The following WARS1 variants were observed in gnomAD, a reference collection of about 807,000 sequenced individuals.
The protein encoded by WARS1 is tryptophanyl-tRNA synthetase 1, also known as tryptophan--tRNA ligase, cytoplasmic.
A neutral mutation model predicts 47.8 loss-of-function variants in WARS1; 17 were observed. The observed-to-expected ratio is 0.36, with a 90% CI of 0.24 to 0.53. The LOEUF is 0.53. Ranked by LOEUF, WARS1 falls within the 20% of genes least tolerant of loss-of-function variation. The pLI is 0.91. For synonymous variants in WARS1, 208 were observed against 228.1 expected (o/e 0.91, Z 0.79); for missense variants, 434 against 608.0 (o/e 0.71, Z 3.01).
Position 100,337,047 on chromosome 14 carries a change from G to C in WARS1, c.1254+15C>G. ...GGCAGAAGGCGGCTGTGGGCCCTTG[G>C]GGTTCCCTGCTCACCTTCCTGATCT... On this transcript the variant is annotated intron_variant, in intron 10 of 10. Transcript: ENST00000392882. 1 of 1,608,622 alleles carries C rather than the reference G, an allele frequency of 6.2e-7. No homozygotes were observed. The highest frequency in any genetic ancestry group is 1.3e-5 in the African/African-American group (1 of 74,974).
chr14:100,342,305 C>A lies in WARS1; in HGVS notation c.1113+93G>T. 3 of 1,561,558 alleles carry A rather than the reference C, an allele frequency of 1.9e-6. No homozygotes were observed. The South Asian group carries it at 3.4e-5, about 18-fold the overall frequency. The stretch of plus-strand genomic sequence containing the variant: ...TGCTACGGTGGCTGGGTGGCTGAGG[C>A]CCAAAGCACTGCGCAGTGGTGTGTG... On this transcript the variant is annotated intron_variant, in intron 9 of 10. Coordinates refer to ENST00000392882, the MANE Select transcript of WARS1 (RefSeq NM_004184.4).
chr14:100,334,791 C>T lies in WARS1; in HGVS notation c.*84G>A, dbSNP rs182244544. ...GTAATTACCATGAGACAGAAGCCTA[C>T]AGGTGGCGGTGCTTTGACTGGGCTG... On this transcript the variant is annotated 3_prime_UTR_variant, in exon 11 of 11. Transcript: ENST00000392882. The T allele has an allele frequency of 3.3e-6, 5 of 1,520,702 alleles. No individual in the cohort carries two copies. In the Admixed American group the frequency reaches 7.1e-5, roughly 22 times the overall value. 94.2% of individuals were successfully genotyped at this position (1,520,702 alleles called of 1,614,324 possible).
In WARS1 at chr14:100,366,660, G is replaced by A. The variant is rs934464948; in HGVS notation, c.99+2427C>T. The A allele has an allele frequency of 7.5e-5, 58 of 772,784 alleles. No homozygotes were observed. The East Asian group carries it at 7.8e-4, about 10-fold the overall frequency. The allele number at this position is 772,784 out of a possible 1,614,324, so 47.9% of individuals were successfully genotyped here. Reference sequence around the variant, plus strand: ...GGACATGGACATGAGCATGGACATCGTAAAATGGAACTTCTAGATTACAGA... The same window carrying A: ...GGACATGGACATGAGCATGGACATCATAAAATGGAACTTCTAGATTACAGA... On this transcript the variant is annotated intron_variant, in intron 2 of 10. Coordinates refer to ENST00000392882, the MANE Select transcript of WARS1 (RefSeq NM_004184.4).
At chr14:100,352,524 A>C (rs1242990756) in intron 6 of WARS1, among the ~76,000 whole-genome samples, 2 of 152,194 alleles carry the variant, frequency 1.3e-5, no homozygotes, top group African/African-American at 2.4e-5. Flanking sequence ...TGTCCCTCTT[A>C]TCCTGCCTCG....
chr14:100,372,187 C>A (rs187635662), intron 1 of WARS1, among the ~76,000 whole-genome samples: 1 of 152,080 alleles, frequency 6.6e-6, no homozygotes, highest in South Asian at 2.1e-4. Context: ...GGACTCAGCC[C>A]GCCTGCAGCC....
intron 3 of WARS1, among the ~76,000 whole-genome samples, chr14:100,361,487 G>A (rs1440927555): frequency 6.6e-6 from 1 of 152,166 alleles, no homozygotes; most frequent in Non-Finnish European, 1.5e-5. Context: ...GTCTACTATA[G>A]ATCATTATTT....
chr14:100,355,316 G>T (rs1162097439), intron 4 of WARS1, among the ~76,000 whole-genome samples: 1 of 152,034 alleles, frequency 6.6e-6, no homozygotes, highest in Non-Finnish European at 1.5e-5. Context: ...TGCCTCCTGG[G>T]TTCAAGCGAT....
upstream of WARS1, chr14:100,376,301 G>C (rs1022048817): frequency 3.8e-6 from 4 of 1,041,792 alleles, no homozygotes; most frequent in Admixed American, 1.7e-4. Flanking sequence ...CTCAGCAACC[G>C]GCTGTCTCCT....
At chr14:100,358,296 C>T (rs1275576423) in intron 4 of WARS1, among the ~76,000 whole-genome samples, 1 of 152,110 alleles carries the variant, frequency 6.6e-6, no homozygotes, top group African/African-American at 2.4e-5. Flanking sequence ...CCACACCTGG[C>T]TAATTTTTTG....
At chr14:100,350,882 G>A (rs1418052250) in intron 6 of WARS1, among the ~76,000 whole-genome samples, 1 of 152,194 alleles carries the variant, frequency 6.6e-6, no homozygotes, top group East Asian at 1.9e-4. Context: ...AGGAAAAGGT[G>A]ATGCTTGATC....
chr14:100,356,399 G>A (rs928103898), intron 4 of WARS1, among the ~76,000 whole-genome samples: 1 of 69,880 alleles, frequency 1.4e-5, no homozygotes, highest in East Asian at 4.2e-4. Flanking sequence ...GTGTGTGTGT[G>A]GGGGGGGGTG....
At chr14:100,336,933 A>G in intron 10 of WARS1, 129 bp downstream of exon 10, 2 of 1,290,272 alleles carry the variant, frequency 1.6e-6, no homozygotes, top group Non-Finnish European at 1.1e-6. Flanking sequence ...GAGTCTACTC[A>G]GTTTTCACCT....
At chr14:100,352,045 C>T (rs968613612) in intron 6 of WARS1, among the ~76,000 whole-genome samples, 5 of 149,960 alleles carry the variant, frequency 3.3e-5, no homozygotes, top group Admixed American at 6.6e-5. Flanking sequence ...GATAGAAGGG[C>T]GAGATTTCCT....
At chr14:100,368,348 A>G in intron 2 of WARS1, 2 of 445,178 alleles carry the variant, frequency 4.5e-6, no homozygotes, top group Admixed American at 4.9e-5. Context: ...CCATGGTCAT[A>G]ATAATGTCAG....
At chr14:100,351,778 G>T (rs1444240557) in intron 6 of WARS1, among the ~76,000 whole-genome samples, 2 of 152,196 alleles carry the variant, frequency 1.3e-5, no homozygotes, top group East Asian at 3.9e-4. Flanking sequence ...CAGATCATGA[G>T]GTCAGAAGAT....
At chr14:100,347,579 T>A (rs1234033733) in intron 6 of WARS1, among the ~76,000 whole-genome samples, 1 of 151,890 alleles carries the variant, frequency 6.6e-6, no homozygotes, top group Non-Finnish European at 1.5e-5. Flanking sequence ...CAGAGTGGCT[T>A]CTTTTTTTTT....
Position 100,353,734 on chromosome 14 carries a change from G to A in WARS1, c.678C>T (p.Gly226=). The change falls in exon 6 of 11, where the codon GGC becomes GGT. Residue 226 remains glycine (G), a synonymous_variant. Transcript: ENST00000392882. The part of the protein sequence containing the change: ...VENAKDIIAC[G]FDINKTFIFS... ...ATATGAAAGTCTTGTTGATGTCAAA[G>A]CCACAGGCGATGATGTCCTTGGCAT... The A allele has an allele frequency of 6.2e-7, 1 of 1,614,162 alleles. No homozygotes were observed. Among genetic ancestry groups the A allele is most frequent in the Non-Finnish European group, 8.5e-7 (1 of 1,180,034 alleles).
rs548882546 is a variant in WARS1, at chr14:100,350,508, C to T, written c.725+3179G>A. ...CACGAGGAATGGCGGCCTCACTCCA[C>T]GTTCAGAGAGCGCTGAAAGTGGGGT... On this transcript the variant is annotated intron_variant, in intron 6 of 10. Coordinates refer to ENST00000392882, the MANE Select transcript of WARS1 (RefSeq NM_004184.4). Among the ~76,000 whole-genome samples, 22 of 151,976 alleles carry T rather than the reference C, an allele frequency of 1.4e-4. No homozygotes were observed. In the East Asian group the frequency reaches 3.5e-3, roughly 24 times the overall value.
chr14:100,355,791 A>AT (rs994027035), intron 4 of WARS1, among the ~76,000 whole-genome samples: 5 of 151,952 alleles, frequency 3.3e-5, no homozygotes, highest in East Asian at 1.9e-4. Context: ...CTTAGTTTTC[A>AT]TTTTTTTTCC....
Sources: gnomAD v4.1 joint callset for allele counts (sites outside exome capture counted in the v4.1 genomes callset) on GRCh38, gnomAD v4.1.1 for gene constraint, MANE v1.5 for transcripts, NCBI Gene and HGNC (gene_info 2026-07-23, HGNC 2026-07-21) for gene names.